Variants in OPALIN observed in about 807,000 individuals in gnomAD.
OPALIN encodes transmembrane protein 10.
Under a neutral mutation model 17.8 loss-of-function variants are expected in OPALIN, and 15 were observed. The observed-to-expected ratio is 0.84, with a 90% CI of 0.56 to 1.29. OPALIN has a LOEUF of 1.29. OPALIN is among the 50% of genes most tolerant of loss of function. OPALIN has a pLI of 0.00. For synonymous variants in OPALIN, 62 were observed against 63.8 expected, an observed-to-expected ratio of 0.97 and a Z score of 0.14; for missense variants, 170 against 176.0, an observed-to-expected ratio of 0.97 and a Z score of 0.19.
At chr10:96,355,109 A>C in intron 2 of OPALIN, 146 bp downstream of exon 2, 2 of 175,828 alleles carry the variant, frequency 1.1e-5, no homozygotes, top group Non-Finnish European at 2.0e-5. Flanking sequence ...AAAAAAAAAA[A>C]AAAAAAAAAA....
intron 5 of OPALIN, among the ~76,000 whole-genome samples, chr10:96,347,038 A>C (rs1845360741): frequency 6.6e-6 from 1 of 150,804 alleles, no homozygotes; most frequent in South Asian, 2.1e-4. Flanking sequence ...AATTCAAGTA[A>C]TTTTTCTGTA....
chr10:96,358,919 T>A lies in OPALIN; in HGVS notation c.-23A>T, dbSNP rs1036857331. 1.2e-5 allele frequency: 19 copies of A among 1,613,654 alleles called. No homozygotes were observed. The highest frequency in any genetic ancestry group is 1.5e-5 in the Non-Finnish European group (18 of 1,179,620). ...CATTTCTGACAGTCTCCCAGGAACCTTCTTCGTACACTGCCTTTGGTAAGC... is the reference window on the plus strand; with the variant it reads ...CATTTCTGACAGTCTCCCAGGAACCATCTTCGTACACTGCCTTTGGTAAGC... On this transcript the variant is annotated 5_prime_UTR_variant, in exon 1 of 6. In the 5' UTR this introduces an upstream ATG that the reference lacks. Transcript: ENST00000371172.
chr10:96,349,973 C>T (rs990631996), intron 3 of OPALIN, 147 bp from the exon 4 acceptor site: 23 of 845,824 alleles, frequency 2.7e-5, no homozygotes, highest in Non-Finnish European at 3.8e-5. Flanking sequence ...AAATACTGTG[C>T]AAAAATGTTT....
intron 5 of OPALIN, 30 bp from the exon 6 acceptor site, chr10:96,346,147 C>T: frequency 6.2e-7 from 1 of 1,601,412 alleles, no homozygotes; most frequent in Non-Finnish European, 8.5e-7. Context: ...TTTTTAAAAA[C>T]TACAGCAGAG....
Position 96,346,087 on chromosome 10 carries a change from T to C in OPALIN, c.280A>G (p.Asn94Asp). Residue 94 changes from asparagine to aspartate, a missense_variant, in exon 6 of 6, where the codon AAT becomes GAT. Physicochemically the swap from Asn to Asp is conservative, Grantham distance 23. Coordinates refer to ENST00000371172, the MANE Select transcript of OPALIN (RefSeq NM_033207.5). ...TGGGCCTCTTGTGCTCCCATCGTAT[T>C]CTTCTCATGTGTGGGTGATCTCCTA... Reference protein sequence around the residue: ...NPRRSPTHEKNTMGAQEAHIY... With the variant: ...NPRRSPTHEKDTMGAQEAHIY... 5 of 1,614,130 alleles carry C rather than the reference T, an allele frequency of 3.1e-6. No individual in the cohort carries two copies. Among genetic ancestry groups the C allele is most frequent in the Non-Finnish European group, 4.2e-6 (5 of 1,179,972 alleles).
intron 2 of OPALIN, among the ~76,000 whole-genome samples, 189 bp downstream of exon 2, chr10:96,355,066 C>T (rs998952882): frequency 8.1e-6 from 1 of 123,038 alleles, no homozygotes; most frequent in Admixed American, 1.0e-4. Context: ...CACTGCACTC[C>T]AGCCTGGGTG....
At position 96,346,121 on chromosome 10, in the gene OPALIN, A is replaced by G; in HGVS notation, c.250-4T>C. The G allele has an allele frequency of 6.2e-7, 1 of 1,612,714 alleles. No homozygotes were observed. Among genetic ancestry groups the G allele is most frequent in the Non-Finnish European group, 8.5e-7 (1 of 1,179,280 alleles). On this transcript the variant is annotated splice_region_variant and splice_polypyrimidine_tract_variant and intron_variant, in intron 5 of 5. Coordinates refer to ENST00000371172, the MANE Select transcript of OPALIN (RefSeq NM_033207.5). ...GTGTGGGTGATCTCCTAGGATTCTTAAGGAAACAAATAGGTTTTTTAAAAA... is the reference window on the plus strand; with the variant it reads ...GTGTGGGTGATCTCCTAGGATTCTTGAGGAAACAAATAGGTTTTTTAAAAA...
At chr10:96,347,207 T>A (rs554309766) in intron 5 of OPALIN, among the ~76,000 whole-genome samples, 2 of 152,108 alleles carry the variant, frequency 1.3e-5, no homozygotes, top group South Asian at 4.2e-4. Flanking sequence ...TTCTCCTGCT[T>A]CAGCCCCCCA....
At chr10:96,349,602 GA>G in intron 4 of OPALIN, 104 bp downstream of exon 4, 1 of 1,307,378 alleles carries the variant, frequency 7.6e-7, no homozygotes, top group Non-Finnish European at 1.0e-6. Flanking sequence ...TTGTCCTCAG[GA>G]AATAGACATG....
At chr10:96,351,633 G>A (rs1477472145) in intron 2 of OPALIN, among the ~76,000 whole-genome samples, 2 of 152,156 alleles carry the variant, frequency 1.3e-5, no homozygotes, top group African/African-American at 4.8e-5. Context: ...TTCAGGCAAT[G>A]TCTTCATTAT....
At chr10:96,352,229 C>T (rs1015301012) in intron 2 of OPALIN, among the ~76,000 whole-genome samples, 2 of 152,130 alleles carry the variant, frequency 1.3e-5, no homozygotes, top group Admixed American at 6.6e-5. Flanking sequence ...CAGCCCTTTA[C>T]ACTTTGCAAA....
At chr10:96,346,617 T>C (rs1845340927) in intron 5 of OPALIN, among the ~76,000 whole-genome samples, 1 of 152,214 alleles carries the variant, frequency 6.6e-6, no homozygotes, top group South Asian at 2.1e-4. Flanking sequence ...CTGTTTGTTG[T>C]GTCTTTTTAA....
At position 96,344,987 on chromosome 10, in the gene OPALIN, A is replaced by T. The variant is rs1366198882; in HGVS notation, c.*954T>A. 2 of 152,234 alleles carry T rather than the reference A, an allele frequency of 1.3e-5. No individual in the cohort carries two copies. Among genetic ancestry groups the T allele is most frequent in the East Asian group, 3.8e-4 (2 of 5,198 alleles). 9.4% of individuals were successfully genotyped at this position (152,234 alleles called of 1,614,324 possible). On this transcript the variant is annotated 3_prime_UTR_variant, in exon 6 of 6. Transcript: ENST00000371172. ...CTGCCTTTTCCTGATTCATATGAGG[A>T]CACGATCACACCTAGATTGGAAGAT...
chr10:96,357,512 G>T (rs981081787), intron 1 of OPALIN, among the ~76,000 whole-genome samples: 1 of 152,106 alleles, frequency 6.6e-6, no homozygotes, highest in African/African-American at 2.4e-5. Context: ...TAGCCACTTA[G>T]GAGCTGTGTA....
intron 1 of OPALIN, among the ~76,000 whole-genome samples, chr10:96,356,389 C>A (rs1329989949): frequency 6.6e-6 from 1 of 152,222 alleles, no homozygotes; most frequent in Non-Finnish European, 1.5e-5. Context: ...CCAAAAGAAT[C>A]ATGTTTCACA....
chr10:96,352,529 A>T (rs1026808540), intron 2 of OPALIN, among the ~76,000 whole-genome samples: 10 of 151,940 alleles, frequency 6.6e-5, no homozygotes, highest in African/African-American at 2.4e-4. Context: ...TTGTCCTTTG[A>T]CCTAATCACA....
Position 96,346,183 on chromosome 10 carries a change from C to T in OPALIN, c.250-66G>A, listed in dbSNP as rs578053221. ...AATTCTTTCATACAAGATGGACTAA[C>T]AGCAACCACATTGACCCTCCCACCT... On this transcript the variant is annotated intron_variant, in intron 5 of 5. Transcript: ENST00000371172. 6.9e-6 allele frequency: 10 copies of T among 1,438,990 alleles called. No homozygotes were observed. The African/African-American group carries it at 1.3e-4, about 18-fold the overall frequency. 89.1% of individuals were successfully genotyped at this position (1,438,990 alleles called of 1,614,324 possible). A position where few individuals can be genotyped will look rare whatever the true frequency, so the allele number is the denominator to read the frequency against.
chr10:96,356,937 C>T (rs745753116), intron 1 of OPALIN: 6 of 985,332 alleles, frequency 6.1e-6, no homozygotes, highest in Non-Finnish European at 7.2e-6. Flanking sequence ...AACCTCTTTC[C>T]ACCACTCTGC....
At chr10:96,348,928 C>T (rs1386280018) in intron 4 of OPALIN, among the ~76,000 whole-genome samples, 1 of 152,172 alleles carries the variant, frequency 6.6e-6, no homozygotes, top group African/African-American at 2.4e-5. Context: ...CTTTCCCTAC[C>T]TCTTAAAATA....
Sources: allele counts gnomAD v4.1 joint callset (sites outside exome capture counted in the v4.1 genomes callset), GRCh38; gene constraint gnomAD v4.1.1; transcripts MANE v1.5; gene names NCBI Gene and HGNC (gene_info 2026-07-23, HGNC 2026-07-21).